Variants in NELL1 observed in about 807,000 individuals in gnomAD.
NELL1 encodes the protein protein kinase C-binding protein NELL1.
Under a neutral mutation model 107.4 loss-of-function variants are expected in NELL1, and 76 were observed. The observed-to-expected ratio is 0.71, with a 90% CI of 0.59 to 0.86. The LOEUF (loss-of-function observed/expected upper bound fraction) is 0.86. NELL1 is among the 40% of genes least tolerant of loss of function. The pLI is 0.00. For missense variants in NELL1, 1,024 were observed against 1,005.5 expected, an observed-to-expected ratio of 1.02 and a Z score of -0.25; for synonymous variants, 353 against 341.2, an observed-to-expected ratio of 1.03 and a Z score of -0.38.
chr11:21,398,877 T>C (rs1852037051), intron 15 of NELL1, among the ~76,000 whole-genome samples: 1 of 151,804 alleles, frequency 6.6e-6, no homozygotes, highest in Admixed American at 6.6e-5. Context: ...CTTTACACTT[T>C]TAAGTGAATT....
intron 2 of NELL1, among the ~76,000 whole-genome samples, chr11:20,765,048 C>T (rs1856500993): frequency 6.6e-6 from 1 of 152,024 alleles, no homozygotes. Context: ...GTCCCAGCTA[C>T]TTCGGAGGCT....
chr11:20,733,316 A>G (rs900379465), intron 2 of NELL1, among the ~76,000 whole-genome samples: 4 of 152,216 alleles, frequency 2.6e-5, no homozygotes, highest in African/African-American at 4.8e-5. Context: ...TAGAAGTGAC[A>G]TCTAATTGAT....
At chr11:21,296,420 T>TTA (rs1004716108) in intron 14 of NELL1, among the ~76,000 whole-genome samples, 1 of 101,272 alleles carries the variant, frequency 9.9e-6, no homozygotes, top group African/African-American at 3.3e-5. Context: ...CAATTCTGCA[T>TTA]TATATGTATA....
At chr11:20,670,064 G>C (rs941983557) in intron 1 of NELL1, among the ~76,000 whole-genome samples, 30 of 152,098 alleles carry the variant, frequency 2.0e-4, no homozygotes, top group African/African-American at 7.2e-4. Flanking sequence ...GCTAGTAACC[G>C]GCTTTCCGTC....
chr11:20,847,819 A>G, intron 4 of NELL1, 66 bp downstream of exon 4: 1 of 1,481,654 alleles, frequency 6.7e-7, no homozygotes, highest in Non-Finnish European at 9.1e-7. Context: ...AAGGGGAAAA[A>G]ATATCAAATT....
At chr11:21,498,856 C>T (rs10741881) in intron 15 of NELL1, among the ~76,000 whole-genome samples, 148,673 of 152,072 alleles carry the variant, frequency 0.98, 72,763 homozygotes, top group East Asian at 1. Context: ...GTGAACTGGC[C>T]TCTTTTGTGT....
chr11:21,064,752 C>A (rs1208218845), intron 12 of NELL1, among the ~76,000 whole-genome samples: 1 of 152,030 alleles, frequency 6.6e-6, no homozygotes, highest in East Asian at 1.9e-4. Context: ...GTTAGATGAC[C>A]CATGTCATTT....
At chr11:20,976,942 C>T (rs1851649236) in intron 12 of NELL1, among the ~76,000 whole-genome samples, 1 of 151,350 alleles carries the variant, frequency 6.6e-6, no homozygotes, top group Non-Finnish European at 1.5e-5. Context: ...TTTACTGAAC[C>T]TGTGTGCAAA....
intron 6 of NELL1, 116 bp from the exon 7 acceptor site, chr11:20,919,136 G>A (rs1309749736): frequency 1.8e-5 from 9 of 496,328 alleles, no homozygotes; most frequent in Non-Finnish European, 2.8e-5. Context: ...TCAAAGCAAT[G>A]TCAACCAAAA....
intron 12 of NELL1, among the ~76,000 whole-genome samples, chr11:21,037,785 G>C (rs762032957): frequency 2.6e-5 from 4 of 152,044 alleles, no homozygotes; most frequent in Admixed American, 1.3e-4. Flanking sequence ...TACAAGCTCA[G>C]AGAGTCATCT....
intron 2 of NELL1, among the ~76,000 whole-genome samples, chr11:20,748,465 T>C (rs1185606818): frequency 1.3e-5 from 2 of 152,224 alleles, no homozygotes; most frequent in Non-Finnish European, 2.9e-5. Flanking sequence ...GGATTAATTG[T>C]ACAGTGGTAA....
chr11:20,732,589 GA>G (rs1292886112), intron 2 of NELL1, among the ~76,000 whole-genome samples: 12 of 152,134 alleles, frequency 7.9e-5, no homozygotes, highest in African/African-American at 2.9e-4. Flanking sequence ...GATCCTGGAG[GA>G]TTTGCAGCAA....
chr11:21,511,318 C>T lies in NELL1; in HGVS notation c.1646-23056C>T, dbSNP rs142628670. Among the ~76,000 whole-genome samples, 15 of 152,098 alleles carry T rather than the reference C, an allele frequency of 9.9e-5. No individual in the cohort carries two copies. In the East Asian group the frequency reaches 2.9e-3, roughly 29 times the overall value. ...TACAACTTTCTTATTTGTACTTTTC[C>T]TCGAGAAAGAGTTACTATTTGGCTT... is the stretch of plus-strand genomic sequence containing the variant. On this transcript the variant is annotated intron_variant, in intron 15 of 19. Transcript: ENST00000357134.
chr11:21,444,215 C>T (rs1019623221), intron 15 of NELL1, among the ~76,000 whole-genome samples: 1 of 152,118 alleles, frequency 6.6e-6, no homozygotes, highest in African/African-American at 2.4e-5. Context: ...TTATCCTAGG[C>T]AGTGTCTCAC....
At chr11:21,066,455 A>G (rs1304575140) in intron 12 of NELL1, among the ~76,000 whole-genome samples, 1 of 152,234 alleles carries the variant, frequency 6.6e-6, no homozygotes, top group Non-Finnish European at 1.5e-5. Context: ...ACAACCAAAA[A>G]TATGGACTAG....
chr11:21,278,169 A>C (rs1271951153), intron 14 of NELL1, among the ~76,000 whole-genome samples: 2 of 152,196 alleles, frequency 1.3e-5, no homozygotes, highest in Non-Finnish European at 2.9e-5. Flanking sequence ...ATATACAAAA[A>C]CCCTACAGCA....
chr11:21,366,693 G>A (rs1449171490), intron 14 of NELL1, among the ~76,000 whole-genome samples: 1 of 151,968 alleles, frequency 6.6e-6, no homozygotes, highest in Non-Finnish European at 1.5e-5. Flanking sequence ...AAAGTCAGCA[G>A]GCAGAGGTCA....
At chr11:21,333,108 T>G (rs113923172) in intron 14 of NELL1, among the ~76,000 whole-genome samples, 3 of 152,026 alleles carry the variant, frequency 2.0e-5, no homozygotes, top group Non-Finnish European at 2.9e-5. Flanking sequence ...TGATATAAGA[T>G]TAAGACAGAT....
rs572185323 is a variant in NELL1, at chr11:21,245,461, T to C, written c.1549+16007T>C. Among the ~76,000 whole-genome samples, 132 of 152,262 alleles carry C rather than the reference T, an allele frequency of 8.7e-4. 1 individual carries two copies. The highest frequency in any genetic ancestry group is 3.0e-3 in the African/African-American group (125 of 41,558). ...TTGTGTCCTCAGTTGGAAGGAAATA[T>C]CTTTTCTCTCATTTTTATTTGGCTT... On this transcript the variant is annotated intron_variant, in intron 14 of 19. Coordinates refer to ENST00000357134, the MANE Select transcript of NELL1 (RefSeq NM_006157.5).
Sources: gnomAD v4.1 joint callset for allele counts (sites outside exome capture counted in the v4.1 genomes callset) on GRCh38, gnomAD v4.1.1 for gene constraint, MANE v1.5 for transcripts, NCBI Gene and HGNC (gene_info 2026-07-23, HGNC 2026-07-21) for gene names.